The following SMCO4 variants were observed in gnomAD, a reference collection of about 807,000 sequenced individuals.
SMCO4 encodes single-pass membrane and coiled-coil domain-containing protein 4.
A neutral mutation model predicts 3.6 loss-of-function variants in SMCO4; 4 were observed. That is an observed-to-expected ratio of 1.11 (90% CI 0.54 to 2.53). SMCO4 has a LOEUF of 2.53. Ranked by LOEUF, SMCO4 falls within the 30% of genes most tolerant of loss-of-function variation. The pLI is 0.02. For missense variants in SMCO4, 70 were observed against 80.8 expected (o/e 0.87, Z 0.51); for synonymous variants, 36 against 35.3 (o/e 1.02, Z -0.07).
At chr11:93,525,209 T>G (rs1432824302) in intron 1 of SMCO4, among the ~76,000 whole-genome samples, 1 of 152,210 alleles carries the variant, frequency 6.6e-6, no homozygotes, top group Non-Finnish European at 1.5e-5. Flanking sequence ...GATCAGAAGA[T>G]CTTACGTTTG....
intron 2 of SMCO4, among the ~76,000 whole-genome samples, chr11:93,486,224 C>T (rs1288774974): frequency 7.2e-5 from 11 of 152,220 alleles, no homozygotes; most frequent in Non-Finnish European, 1.6e-4. Flanking sequence ...GAGCAGGCCC[C>T]AGGTGGTTAG....
chr11:93,535,482 A>G, intron 1 of SMCO4: 1 of 1,405,886 alleles, frequency 7.1e-7, no homozygotes, highest in Non-Finnish European at 1.0e-6. Context: ...GTGTTGTTGG[A>G]GAGCGAGCAG....
chr11:93,489,254 C>CAAA (rs1380209188), intron 2 of SMCO4, among the ~76,000 whole-genome samples: 8 of 152,060 alleles, frequency 5.3e-5, no homozygotes, highest in Non-Finnish European at 1.0e-4. Context: ...AATAATTGGA[C>CAAA]CTAGAAAACT....
At chr11:93,507,130 T>G (rs1948912522) in intron 1 of SMCO4, among the ~76,000 whole-genome samples, 1 of 152,048 alleles carries the variant, frequency 6.6e-6, no homozygotes, top group Non-Finnish European at 1.5e-5. Flanking sequence ...CGGGGCCGGG[T>G]GCGGTGGCTC....
intron 1 of SMCO4, among the ~76,000 whole-genome samples, chr11:93,524,493 T>A (rs971506297): frequency 6.6e-6 from 1 of 152,110 alleles, no homozygotes; most frequent in African/African-American, 2.4e-5. Flanking sequence ...AGAATCCCCA[T>A]CTGTAAAATG....
At chr11:93,538,413 T>G (rs1179076830) in intron 1 of SMCO4, among the ~76,000 whole-genome samples, 3 of 152,194 alleles carry the variant, frequency 2.0e-5, no homozygotes, top group African/African-American at 7.2e-5. Context: ...AAGAGGGGTG[T>G]GCAGACAATA....
At chr11:93,483,715 G>A (rs1360539183) in intron 2 of SMCO4, among the ~76,000 whole-genome samples, 3 of 152,188 alleles carry the variant, frequency 2.0e-5, no homozygotes, top group Admixed American at 1.3e-4. Context: ...ACTGGAAAGA[G>A]CTCTGCCTAA....
chr11:93,550,975 G>C, the SMCO4 span, among the ~76,000 whole-genome samples: 1 of 152,086 alleles, frequency 6.6e-6, no homozygotes, highest in Non-Finnish European at 1.5e-5. Flanking sequence ...TTTTCCCCAA[G>C]GGAGCTTCAT....
At position 93,490,003 on chromosome 11, in the gene SMCO4, T is replaced by G. The variant is rs114057347; in HGVS notation, c.-81+9273A>C. Among the ~76,000 whole-genome samples, 757 of 152,276 alleles carry G rather than the reference T, an allele frequency of 5.0e-3. 3 individuals are homozygous for G. Among genetic ancestry groups the G allele is most frequent in the African/African-American group, 0.017 (689 of 41,554 alleles). On this transcript the variant is annotated intron_variant, in intron 2 of 2. Coordinates refer to ENST00000298966, the MANE Select transcript of SMCO4 (RefSeq NM_020179.3). ...TAGAGACCAAAGCAGCCCGGGTAAG[T>G]GCAGGCTCGTCCTCAAAAGCTCCTT...
rs115034883 is a variant in SMCO4, at chr11:93,495,480, T to G, written c.-81+3796A>C. On this transcript the variant is annotated intron_variant, in intron 2 of 2. Coordinates refer to ENST00000298966, the MANE Select transcript of SMCO4 (RefSeq NM_020179.3). ...CACACACAGGAGTAAAGCTCAAGAC[T>G]AAGGAAAACAAATCGGCTTCAAGAT... is the stretch of plus-strand genomic sequence containing the variant. Among the ~76,000 whole-genome samples, 1,284 of 152,206 alleles carry G rather than the reference T, an allele frequency of 8.4e-3. 18 individuals are homozygous for G. Among genetic ancestry groups the G allele is most frequent in the African/African-American group, 0.028 (1,176 of 41,524 alleles).
intron 2 of SMCO4, among the ~76,000 whole-genome samples, chr11:93,496,599 A>C (rs1948775642): frequency 6.6e-6 from 1 of 152,068 alleles, no homozygotes; most frequent in Non-Finnish European, 1.5e-5. Flanking sequence ...CTATCCTCTC[A>C]TGGTGTCGGA....
chr11:93,483,524 G>A (rs1948615123), intron 2 of SMCO4, among the ~76,000 whole-genome samples: 1 of 152,174 alleles, frequency 6.6e-6, no homozygotes, highest in African/African-American at 2.4e-5. Context: ...GAGGCCTGGG[G>A]GTGGAGGGAG....
chr11:93,495,442 G>A (rs1328961111), intron 2 of SMCO4, among the ~76,000 whole-genome samples: 1 of 152,032 alleles, frequency 6.6e-6, no homozygotes, highest in Non-Finnish European at 1.5e-5. Flanking sequence ...GGCAGCACAC[G>A]CAGGACCTCC....
At chr11:93,486,523 C>T (rs1022850583) in intron 2 of SMCO4, among the ~76,000 whole-genome samples, 11 of 152,172 alleles carry the variant, frequency 7.2e-5, no homozygotes, top group Admixed American at 4.6e-4. Context: ...TGGAAGGTGC[C>T]GCTACACGCT....
At chr11:93,487,175 C>A (rs930498689) in intron 2 of SMCO4, among the ~76,000 whole-genome samples, 2 of 152,118 alleles carry the variant, frequency 1.3e-5, no homozygotes, top group African/African-American at 2.4e-5. Context: ...CATTTTATGT[C>A]CCTGGTATTT....
the SMCO4 span, among the ~76,000 whole-genome samples, chr11:93,552,179 C>G: frequency 4.5e-5 from 5 of 110,410 alleles, no homozygotes; most frequent in African/African-American, 1.0e-4. Context: ...TTTTTTGAGA[C>G]ACAGTTTCAC....
At chr11:93,502,998 G>A (rs920827006) in intron 1 of SMCO4, among the ~76,000 whole-genome samples, 2 of 152,108 alleles carry the variant, frequency 1.3e-5, no homozygotes, top group Admixed American at 1.3e-4. Context: ...CCATTTTACA[G>A]ATCAGAAAGA....
chr11:93,545,588 C>CAAAAAAAAAAA (rs143549634), upstream of SMCO4, among the ~76,000 whole-genome samples: 1 of 85,974 alleles, frequency 1.2e-5, no homozygotes, highest in Non-Finnish European at 2.2e-5. Context: ...AACTCTGTCT[C>CAAAAAAAAAAA]AAAAAAAAAA....
chr11:93,502,278 G>A (rs1948847996), intron 1 of SMCO4, among the ~76,000 whole-genome samples: 1 of 152,140 alleles, frequency 6.6e-6, no homozygotes, highest in South Asian at 2.1e-4. Flanking sequence ...TGAAGTCCCT[G>A]TAAACCTAGC....
Sources: gnomAD v4.1 joint callset for allele counts (sites outside exome capture counted in the v4.1 genomes callset) on GRCh38, gnomAD v4.1.1 for gene constraint, MANE v1.5 for transcripts, NCBI Gene and HGNC (gene_info 2026-07-23, HGNC 2026-07-21) for gene names.